TSGA10: variants seen among roughly 807,000 people sequenced by gnomAD.
TSGA10 encodes the protein testis-specific gene 10 protein.
In TSGA10, 43 loss-of-function variants were observed where a neutral mutation model predicts 96.6. The ratio of observed to expected loss-of-function variants is 0.44; its 90% CI spans 0.35 to 0.57. TSGA10 has a LOEUF of 0.57. Among genes scored for constraint, TSGA10 ranks in the 20% least tolerant of loss-of-function variants. The pLI is 0.01. For missense variants in TSGA10, 703 were observed against 834.4 expected (o/e 0.84, Z 1.94); for synonymous variants, 229 against 269.9 (o/e 0.85, Z 1.48).
At chr2:99,141,129 C>G (rs968607627) in intron 1 of TSGA10, 3 of 1,280,540 alleles carry the variant, frequency 2.3e-6, no homozygotes, top group Non-Finnish European at 3.0e-6. Context: ...GCCGTCCTGC[C>G]CAGAGCTCAT....
intron 1 of TSGA10, chr2:99,150,470 T>C: frequency 7.0e-7 from 1 of 1,434,834 alleles, no homozygotes; most frequent in East Asian, 2.3e-5. Flanking sequence ...GTTACTTTTT[T>C]TTTTTTTTTC....
At chr2:99,122,172 G>A (rs142769405) in intron 2 of TSGA10, among the ~76,000 whole-genome samples, 47 of 152,296 alleles carry the variant, frequency 3.1e-4, no homozygotes, top group African/African-American at 1.1e-3. Context: ...GTAGTTATAA[G>A]TGTTGAAATC....
At chr2:99,151,062 GTATTA>G (rs990675884) in intron 1 of TSGA10, 18 of 392,526 alleles carry the variant, frequency 4.6e-5, no homozygotes, top group African/African-American at 1.0e-4. Flanking sequence ...GATTTCTCTG[GTATTA>G]TATTATATCC....
intron 10 of TSGA10, among the ~76,000 whole-genome samples, chr2:99,093,381 A>G (rs2089600719): frequency 1.3e-5 from 2 of 152,198 alleles, no homozygotes; most frequent in African/African-American, 2.4e-5. Context: ...TCTATTCAAC[A>G]TAGTACTGGA....
chr2:99,073,948 T>G (rs907068411), intron 12 of TSGA10, among the ~76,000 whole-genome samples: 5 of 150,814 alleles, frequency 3.3e-5, no homozygotes, highest in Non-Finnish European at 5.9e-5. Context: ...GTAAAAAGAT[T>G]TTTAAAAACC....
chr2:99,147,251 T>C (rs924731321), intron 1 of TSGA10: 45 of 475,566 alleles, frequency 9.5e-5, no homozygotes, highest in Middle Eastern at 5.5e-4. Context: ...TCTTTCCACC[T>C]TGGCCTCCCA....
At chr2:99,018,726 G>C in intron 18 of TSGA10, 86 bp from the exon 19 acceptor site, 2 of 1,148,910 alleles carry the variant, frequency 1.7e-6, no homozygotes, top group Non-Finnish European at 2.4e-6. Flanking sequence ...ATTGATAGTG[G>C]TTTCTCAGCT....
intron 1 of TSGA10, among the ~76,000 whole-genome samples, chr2:99,146,615 A>G (rs1463054117): frequency 3.3e-5 from 5 of 152,080 alleles, no homozygotes. Flanking sequence ...TTAGGTCTTT[A>G]ATGCATTTGC....
intron 13 of TSGA10, 39 bp downstream of exon 13, chr2:99,072,979 C>T: frequency 1.4e-6 from 2 of 1,473,782 alleles, no homozygotes; most frequent in Non-Finnish European, 1.9e-6. Context: ...ACTTGGCCCC[C>T]CAGTAAGAGC....
chr2:99,005,540 C>T (rs919574048), intron 20 of TSGA10, among the ~76,000 whole-genome samples: 2 of 152,132 alleles, frequency 1.3e-5, no homozygotes, highest in Non-Finnish European at 2.9e-5. Context: ...CTCCCATTCA[C>T]AACTGCTTCA....
chr2:99,070,355 C>T (rs1474522588), intron 14 of TSGA10, among the ~76,000 whole-genome samples: 1 of 151,970 alleles, frequency 6.6e-6, no homozygotes, highest in Non-Finnish European at 1.5e-5. Context: ...CAAGATTCAA[C>T]CCATGTGAAT....
chr2:99,033,602 AG>A (rs1200534209), intron 17 of TSGA10, among the ~76,000 whole-genome samples: 2 of 152,218 alleles, frequency 1.3e-5, no homozygotes, highest in African/African-American at 4.8e-5. Context: ...CAGCACTGGG[AG>A]GCTGAGGTGG....
At position 99,018,546 on chromosome 2, in the gene TSGA10, G is replaced by T. The variant is rs576669120; in HGVS notation, c.1912C>A (p.Arg638Ser). 6.2e-7 allele frequency: 1 copy of T among 1,613,338 alleles called. No homozygotes were observed. The highest frequency in any genetic ancestry group is 8.5e-7 in the Non-Finnish European group (1 of 1,179,752). The change falls in exon 19 of 21, where the codon CGC (arginine) becomes AGC (serine). Residue 638 changes from arginine (R) to serine (S), a missense_variant. Transcript: ENST00000393483. ...DITKRQLGTE[R>S]FERERAVQEL... ...TAGAGATAAACTTACCTTTCAAAGC[G>T]CTCTGTTCCTAGTTGTCTTTTGGTA...
chr2:99,073,244 T>A (rs2086193862), intron 12 of TSGA10, among the ~76,000 whole-genome samples, 171 bp from the exon 13 acceptor site: 1 of 152,208 alleles, frequency 6.6e-6, no homozygotes, highest in African/African-American at 2.4e-5. Context: ...AATGTGAATA[T>A]TTGCACTGGG....
chr2:99,083,144 T>C (rs889751662), intron 10 of TSGA10, among the ~76,000 whole-genome samples: 15 of 151,962 alleles, frequency 9.9e-5, no homozygotes, highest in Non-Finnish European at 4.4e-5. Flanking sequence ...ATAAAGACAA[T>C]ATTCAACAAA....
intron 10 of TSGA10, chr2:99,102,588 C>T (rs938703913): frequency 1.5e-5 from 25 of 1,614,088 alleles, no homozygotes; most frequent in Non-Finnish European, 2.1e-5. Context: ...GATTATGGAA[C>T]TTGCTGTACA....
At chr2:99,098,677 G>A (rs1273791424) in intron 10 of TSGA10, among the ~76,000 whole-genome samples, 1 of 151,846 alleles carries the variant, frequency 6.6e-6, no homozygotes, top group Non-Finnish European at 1.5e-5. Context: ...ACCAACTGCA[G>A]AATAGAAAAA....
intron 18 of TSGA10, 142 bp from the exon 19 acceptor site, chr2:99,018,782 A>T (rs1432775543): frequency 2.9e-6 from 2 of 690,546 alleles, no homozygotes; most frequent in East Asian, 5.5e-5. Context: ...TTATTAGTAC[A>T]TCTAAAATAT....
In TSGA10 at chr2:99,108,818, T is replaced by G. The variant is rs1324172267; in HGVS notation, c.210+15A>C. ...CAATGTTATTACTTATATAATTTGT[T>G]TTTTGTAAGTTTACCTGTTCATAAA... On this transcript the variant is annotated intron_variant, in intron 7 of 20. Coordinates refer to ENST00000393483, the MANE Select transcript of TSGA10 (RefSeq NM_025244.4). 6.6e-7 allele frequency: 1 copy of G among 1,520,590 alleles called. No individual in the cohort carries two copies. The highest frequency in any genetic ancestry group is 8.8e-7 in the Non-Finnish European group (1 of 1,139,450). The allele number at this position is 1,520,590 out of a possible 1,614,324, so 94.2% of individuals were successfully genotyped here.
Sources: gnomAD v4.1 joint callset for allele counts (sites outside exome capture counted in the v4.1 genomes callset) on GRCh38, gnomAD v4.1.1 for gene constraint, MANE v1.5 for transcripts, NCBI Gene and HGNC (gene_info 2026-07-23, HGNC 2026-07-21) for gene names.